The following QKI variants were observed in gnomAD, a reference collection of about 807,000 sequenced individuals.
The protein encoded by QKI is KH domain-containing RNA-binding protein QKI.
QKI carries 10 observed loss-of-function variants against 39.0 expected under a neutral mutation model. The observed-to-expected ratio is 0.26, with a 90% CI of 0.16 to 0.43. The LOEUF (loss-of-function observed/expected upper bound fraction) is 0.43. Ranked by LOEUF, QKI falls within the 20% of genes least tolerant of loss-of-function variation. QKI has a pLI of 1.00. For synonymous variants in QKI, 204 were observed against 155.4 expected, an observed-to-expected ratio of 1.31 and a Z score of -2.33; for missense variants, 218 against 428.0, an observed-to-expected ratio of 0.51 and a Z score of 4.33.
In QKI at chr6:163,455,395, T is replaced by C. The variant is rs754195069; in HGVS notation, c.259T>C (p.Tyr87His). The change falls in exon 2 of 8, where the codon TAT becomes CAT. Residue 87 changes from tyrosine to histidine, a missense_variant. Physicochemically the swap from Tyr to His is moderately conservative, Grantham distance 83. Around this residue, in one of 3 missense-constraint regions of QKI, gnomAD observed 61 missense variants for 193.3 expected, o/e 0.32. Coordinates refer to ENST00000361752, the MANE Select transcript of QKI (RefSeq NM_006775.3). ...TATTGTTCAGTTACAAGAGAAACTTTATGTGCCTGTAAAAGAATACCCAGA... is the reference window on the plus strand; with the variant it reads ...TATTGTTCAGTTACAAGAGAAACTTCATGTGCCTGTAAAAGAATACCCAGA... The part of the protein sequence containing the change: ...GPIVQLQEKL[Y>H]VPVKEYPDFN... The C allele has an allele frequency of 6.2e-7, 1 of 1,612,546 alleles. No individual in the cohort carries two copies. The highest frequency in any genetic ancestry group is 8.5e-7 in the Non-Finnish European group (1 of 1,178,840).
intron 1 of QKI, among the ~76,000 whole-genome samples, chr6:163,422,435 A>G (rs1227812658): frequency 1.3e-5 from 2 of 152,180 alleles, no homozygotes; most frequent in Non-Finnish European, 2.9e-5. Flanking sequence ...AGTATCGGAA[A>G]GAACATAATT....
chr6:163,415,533 G>T (rs1403642558), intron 1 of QKI, among the ~76,000 whole-genome samples, 198 bp downstream of exon 1: 2 of 151,312 alleles, frequency 1.3e-5, no homozygotes, highest in Non-Finnish European at 3.0e-5. Context: ...GGACCCGCCG[G>T]TGCCGGACGC....
chr6:163,441,733 T>TACTG (rs1190910783), intron 1 of QKI, among the ~76,000 whole-genome samples: 1 of 152,202 alleles, frequency 6.6e-6, no homozygotes, highest in Non-Finnish European at 1.5e-5. Flanking sequence ...GTGTGAGCCA[T>TACTG]ACTGCTCTTT....
At chr6:163,479,878 A>G (rs922590803) in intron 3 of QKI, among the ~76,000 whole-genome samples, 8 of 152,212 alleles carry the variant, frequency 5.3e-5, no homozygotes, top group Non-Finnish European at 7.3e-5. Flanking sequence ...CTTTGGATGT[A>G]TGTCAGATCA....
At chr6:163,534,699 C>G (rs1223350135) in intron 3 of QKI, among the ~76,000 whole-genome samples, 1 of 152,172 alleles carries the variant, frequency 6.6e-6, no homozygotes, top group African/African-American at 2.4e-5. Flanking sequence ...ATGTATGCTT[C>G]TAGTGCATAG....
At chr6:163,507,608 G>T (rs759740330) in intron 3 of QKI, among the ~76,000 whole-genome samples, 4 of 152,152 alleles carry the variant, frequency 2.6e-5, no homozygotes, top group Non-Finnish European at 4.4e-5. Context: ...CTGACCCCAG[G>T]ATTATATGTG....
At chr6:163,420,470 T>A (rs1787909747) in intron 1 of QKI, among the ~76,000 whole-genome samples, 1 of 152,152 alleles carries the variant, frequency 6.6e-6, no homozygotes, top group South Asian at 2.1e-4. Context: ...GTATGTCAGC[T>A]GTTATGAACA....
At chr6:163,458,396 A>G (rs1791093167) in intron 2 of QKI, among the ~76,000 whole-genome samples, 1 of 152,208 alleles carries the variant, frequency 6.6e-6, no homozygotes, top group Non-Finnish European at 1.5e-5. Context: ...TGAGGGCAGG[A>G]ATCTTTTTGT....
chr6:163,523,445 C>G (rs926539328), intron 3 of QKI, among the ~76,000 whole-genome samples: 2 of 152,102 alleles, frequency 1.3e-5, no homozygotes, highest in African/African-American at 4.8e-5. Context: ...TAAGTGCTTA[C>G]TATATGCAAA....
intron 3 of QKI, among the ~76,000 whole-genome samples, chr6:163,500,809 T>G (rs1778710168): frequency 6.6e-6 from 1 of 152,176 alleles, no homozygotes; most frequent in Non-Finnish European, 1.5e-5. Flanking sequence ...TAAAATTAAT[T>G]GCTAAGCTAG....
chr6:163,565,177 G>C (rs1278424406), intron 6 of QKI: 2 of 990,880 alleles, frequency 2.0e-6, no homozygotes, highest in African/African-American at 3.5e-5. Context: ...CACATTTCTT[G>C]AAGCATTTTT....
At chr6:163,570,384 T>C in intron 7 of QKI, 2 of 983,566 alleles carry the variant, frequency 2.0e-6, no homozygotes, top group Non-Finnish European at 2.4e-6. Flanking sequence ...TTTCCTTCAT[T>C]GACTGCTACT....
chr6:163,483,672 C>T (rs1793253733), intron 3 of QKI, among the ~76,000 whole-genome samples: 1 of 152,168 alleles, frequency 6.6e-6, no homozygotes. Context: ...CTTGCTCTTT[C>T]CACCACATCT....
chr6:163,539,700 T>C (rs1781400395), intron 4 of QKI, among the ~76,000 whole-genome samples: 3 of 152,226 alleles, frequency 2.0e-5, no homozygotes, highest in African/African-American at 7.2e-5. Context: ...GAAGTAGAAT[T>C]ACTAGGTTAA....
chr6:163,510,406 C>G (rs867404019), intron 3 of QKI, among the ~76,000 whole-genome samples: 1 of 150,938 alleles, frequency 6.6e-6, no homozygotes, highest in African/African-American at 2.4e-5. Flanking sequence ...TTAAAAAATA[C>G]AAAAATTATC....
chr6:163,498,972 T>C (rs528663211), intron 3 of QKI, among the ~76,000 whole-genome samples: 45 of 152,302 alleles, frequency 3.0e-4, no homozygotes, highest in African/African-American at 8.2e-4. Flanking sequence ...AATTGATTCA[T>C]GTGCACATAG....
chr6:163,522,506 C>G (rs752248664), intron 3 of QKI, among the ~76,000 whole-genome samples: 2 of 151,974 alleles, frequency 1.3e-5, no homozygotes, highest in Non-Finnish European at 2.9e-5. Context: ...GGGGAGAGGC[C>G]TTTTTGTGCG....
chr6:163,421,588 A>G (rs1421728103), intron 1 of QKI, among the ~76,000 whole-genome samples: 1 of 152,220 alleles, frequency 6.6e-6, no homozygotes, highest in African/African-American at 2.4e-5. Context: ...TTAGTTTAAA[A>G]GAAAGCTGAG....
At position 163,572,395 on chromosome 6, in the gene QKI, TA is replaced by T. The variant is rs1783741165; in HGVS notation, c.*1686del. ...TCACCCAAATTTAATCACATGTCTT[TA>T]TATCATACCAGATAACTGGTGTAGT... On this transcript the variant is annotated 3_prime_UTR_variant, in exon 8 of 8. Coordinates refer to ENST00000361752, the MANE Select transcript of QKI (RefSeq NM_006775.3). The T allele has an allele frequency of 1.3e-5, 2 of 152,242 alleles. No homozygotes were observed. The highest frequency in any genetic ancestry group is 4.8e-5 in the African/African-American group (2 of 41,468). 9.4% of individuals were successfully genotyped at this position (152,242 alleles called of 1,614,324 possible).
Sources: gnomAD v4.1 joint callset for allele counts (sites outside exome capture counted in the v4.1 genomes callset) on GRCh38, gnomAD v4.1.1 for gene constraint, gnomAD v4.1.1 regional missense constraint, MANE v1.5 for transcripts, NCBI Gene and HGNC (gene_info 2026-07-23, HGNC 2026-07-21) for gene names.